Variants in SEZ6L observed in about 807,000 individuals in gnomAD.
SEZ6L encodes seizure 6-like protein.
A neutral mutation model predicts 106.2 loss-of-function variants in SEZ6L; 37 were observed. The observed-to-expected ratio is 0.35, with a 90% confidence interval of 0.27 to 0.46. SEZ6L has a LOEUF of 0.46. Ranked by LOEUF, SEZ6L falls within the 20% of genes least tolerant of loss-of-function variation. The pLI is 1.00. For synonymous variants in SEZ6L, 541 were observed against 570.4 expected, an observed-to-expected ratio of 0.95 and a Z score of 0.73; for missense variants, 1,172 against 1,332.8, an observed-to-expected ratio of 0.88 and a Z score of 1.88.
At chr22:26,279,733 T>A (rs2080696514) in intron 1 of SEZ6L, among the ~76,000 whole-genome samples, 1 of 152,150 alleles carries the variant, frequency 6.6e-6, no homozygotes, top group African/African-American at 2.4e-5. Context: ...TCTGGAAACG[T>A]CATCAGCTCC....
At chr22:26,363,759 G>A (rs566168101) in intron 12 of SEZ6L, among the ~76,000 whole-genome samples, 4 of 152,282 alleles carry the variant, frequency 2.6e-5, no homozygotes, top group East Asian at 1.9e-4. Context: ...AAGGGGAAGC[G>A]ACACAAGTGT....
chr22:26,266,246 A>G (rs2080173313), intron 1 of SEZ6L, among the ~76,000 whole-genome samples: 1 of 152,044 alleles, frequency 6.6e-6, no homozygotes. Flanking sequence ...TGAAGCATTT[A>G]TGTTGTGTGT....
intron 9 of SEZ6L, among the ~76,000 whole-genome samples, chr22:26,326,930 G>T (rs1048335697): frequency 2.0e-5 from 3 of 152,346 alleles, no homozygotes; most frequent in Admixed American, 6.5e-5. Flanking sequence ...AGGTTTCAAA[G>T]TTCGTTTTTC....
At chr22:26,331,937 A>G (rs2082492586) in intron 9 of SEZ6L, among the ~76,000 whole-genome samples, 1 of 152,086 alleles carries the variant, frequency 6.6e-6, no homozygotes, top group Admixed American at 6.5e-5. Flanking sequence ...ACGAGCTGAG[A>G]TCGTGCCACT....
intron 10 of SEZ6L, among the ~76,000 whole-genome samples, chr22:26,344,714 C>A (rs906162412): frequency 6.6e-6 from 1 of 152,200 alleles, no homozygotes; most frequent in Non-Finnish European, 1.5e-5. Flanking sequence ...CATAATATCT[C>A]AGTCAAACAA....
intron 1 of SEZ6L, among the ~76,000 whole-genome samples, chr22:26,199,608 A>G (rs1167280065): frequency 2.0e-5 from 3 of 152,330 alleles, no homozygotes; most frequent in African/African-American, 7.2e-5. Flanking sequence ...CGATGCTTCC[A>G]GGGCATATTT....
At chr22:26,210,113 A>T (rs1022457151) in intron 1 of SEZ6L, among the ~76,000 whole-genome samples, 2 of 152,104 alleles carry the variant, frequency 1.3e-5, no homozygotes, top group Non-Finnish European at 2.9e-5. Context: ...AATTGGGAGG[A>T]TGACACTTAG....
intron 1 of SEZ6L, among the ~76,000 whole-genome samples, chr22:26,252,958 G>A (rs765883137): frequency 1.3e-5 from 2 of 152,176 alleles, no homozygotes; most frequent in Non-Finnish European, 2.9e-5. Flanking sequence ...TTGCTAGGTC[G>A]AATTGTAGTT....
intron 1 of SEZ6L, among the ~76,000 whole-genome samples, chr22:26,243,160 CT>C (rs967584839): frequency 2.0e-5 from 3 of 152,172 alleles, no homozygotes; most frequent in Non-Finnish European, 4.4e-5. Context: ...ATGATCTCAT[CT>C]TAACTTGATT....
At chr22:26,171,878 G>A (rs1238485529) in intron 1 of SEZ6L, among the ~76,000 whole-genome samples, 1 of 152,082 alleles carries the variant, frequency 6.6e-6, no homozygotes, top group African/African-American at 2.4e-5. Flanking sequence ...TATTTTTAAT[G>A]TAGAGCCCAA....
chr22:26,227,254 T>A (rs2078661630), intron 1 of SEZ6L, among the ~76,000 whole-genome samples: 1 of 152,088 alleles, frequency 6.6e-6, no homozygotes, highest in African/African-American at 2.4e-5. Flanking sequence ...GCCGCTTAAT[T>A]TCTCTGAGCC....
intron 1 of SEZ6L, among the ~76,000 whole-genome samples, chr22:26,258,505 A>G (rs2079897155): frequency 1.3e-5 from 2 of 152,234 alleles, no homozygotes; most frequent in African/African-American, 2.4e-5. Flanking sequence ...AGAACACAGC[A>G]CATTTGATGA....
At chr22:26,305,913 T>C (rs2081615389) in intron 5 of SEZ6L, 66 bp from the exon 6 acceptor site, 2 of 1,443,308 alleles carry the variant, frequency 1.4e-6, no homozygotes, top group African/African-American at 1.4e-5. Flanking sequence ...TCTTTCTCTC[T>C]GTCTCTCTCC....
intron 9 of SEZ6L, among the ~76,000 whole-genome samples, chr22:26,324,064 CCACACACACACACACA>C (rs71311560): frequency 2.1e-5 from 3 of 140,272 alleles, no homozygotes; most frequent in Non-Finnish European, 4.6e-5. Context: ...CAGTTTTTAA[CCACACACACACACACA>C]CACACACACA....
chr22:26,323,688 C>T (rs1371075004), intron 9 of SEZ6L, among the ~76,000 whole-genome samples: 1 of 152,126 alleles, frequency 6.6e-6, no homozygotes, highest in Non-Finnish European at 1.5e-5. Flanking sequence ...GTTTCTGACA[C>T]AAGATAGGCA....
At chr22:26,312,062 C>T (rs1434815785) in intron 8 of SEZ6L, 100 bp downstream of exon 8, 2 of 1,185,662 alleles carry the variant, frequency 1.7e-6, no homozygotes, top group East Asian at 4.7e-5. Flanking sequence ...CCCCAGTTTT[C>T]ATACCAACTT....
intron 10 of SEZ6L, among the ~76,000 whole-genome samples, chr22:26,342,650 T>C (rs555342058): frequency 6.6e-6 from 1 of 152,206 alleles, no homozygotes; most frequent in South Asian, 2.1e-4. Context: ...GAGCCAAGAT[T>C]GCGCCACTGA....
At chr22:26,229,971 A>T (rs1175897961) in intron 1 of SEZ6L, among the ~76,000 whole-genome samples, 1 of 152,204 alleles carries the variant, frequency 6.6e-6, no homozygotes, top group Non-Finnish European at 1.5e-5. Flanking sequence ...TGAACCCTGG[A>T]ATTGTTCTTA....
At position 26,287,361 on chromosome 22, in the gene SEZ6L, G is replaced by A. The variant is rs575896226; in HGVS notation, c.95-5045G>A. 3.9e-5 allele frequency among the ~76,000 whole-genome samples: 6 copies of A among 152,152 alleles called. 1 individual carries two copies. The highest frequency in any genetic ancestry group is 3.4e-3 in the Middle Eastern group (1 of 294). On this transcript the variant is annotated intron_variant, in intron 1 of 16. Coordinates refer to ENST00000248933, the MANE Select transcript of SEZ6L (RefSeq NM_021115.5). ...CTTAGAATGTTCACTCTCTTGTGTCGGGTGTCAACCATAGGAGAAAGTGAA... is the reference window on the plus strand; with the variant it reads ...CTTAGAATGTTCACTCTCTTGTGTCAGGTGTCAACCATAGGAGAAAGTGAA...
Sources: gnomAD v4.1 joint callset for allele counts (sites outside exome capture counted in the v4.1 genomes callset) on GRCh38, gnomAD v4.1.1 for gene constraint, MANE v1.5 for transcripts, NCBI Gene and HGNC (gene_info 2026-07-23, HGNC 2026-07-21) for gene names.